DNAL1: variants seen among roughly 807,000 people sequenced by gnomAD.
DNAL1 encodes the protein dynein axonemal light chain 1.
DNAL1 carries 17 observed loss-of-function variants against 29.4 expected under a neutral mutation model. The ratio of observed to expected loss-of-function variants is 0.58; its 90% CI spans 0.40 to 0.87. The LOEUF is 0.87. DNAL1 is among the 40% of genes least tolerant of loss of function. The pLI is 0.00. For missense variants in DNAL1, 188 were observed against 214.1 expected (o/e 0.88, Z 0.76); for synonymous variants, 78 against 76.3 (o/e 1.02, Z -0.12).
Position 73,701,274 on chromosome 14 carries a change from G to A in DNAL1, c.*5332G>A, listed in dbSNP as rs1342316484. The stretch of plus-strand genomic sequence containing the variant: ...TGCACTTTAAACTTAGGAACTGGAT[G>A]TTGGTGGAAAGGACTTCCATAGGGC... On this transcript the variant is annotated 3_prime_UTR_variant, in exon 8 of 8. Transcript: ENST00000553645. 3.3e-5 allele frequency: 5 copies of A among 152,230 alleles called. No homozygotes were observed. The highest frequency in any genetic ancestry group is 1.2e-4 in the African/African-American group (5 of 41,468). The allele number at this position is 152,230 out of a possible 1,614,324, so 9.4% of individuals were successfully genotyped here. A position where few individuals can be genotyped will look rare whatever the true frequency, so the allele number is the denominator to read the frequency against.
Position 73,687,101 on chromosome 14 carries a change from T to G in DNAL1, c.265-158T>G, listed in dbSNP as rs76826584. Among the ~76,000 whole-genome samples the G allele has an allele frequency of 6.7e-3, 991 of 148,714 alleles. 15 individuals are homozygous for G. The highest frequency in any genetic ancestry group is 0.023 in the African/African-American group (929 of 40,546). ...GGAATGTTCTACTTAGCTCCCTCAA[T>G]GAGAAAAAAAAAACCTCCCACACAA... is the stretch of plus-strand genomic sequence containing the variant. On this transcript the variant is annotated intron_variant, in intron 5 of 7. Coordinates refer to ENST00000553645, the MANE Select transcript of DNAL1 (RefSeq NM_031427.4).
intron 1 of DNAL1, among the ~76,000 whole-genome samples, chr14:73,650,190 A>G (rs1015601000): frequency 6.6e-6 from 1 of 151,992 alleles, no homozygotes; most frequent in African/African-American, 2.4e-5. Flanking sequence ...GGGTGTCACT[A>G]TATTGTCCAG....
At chr14:73,691,092 G>A (rs144511919) in intron 7 of DNAL1, among the ~76,000 whole-genome samples, 1 of 152,126 alleles carries the variant, frequency 6.6e-6, no homozygotes, top group Non-Finnish European at 1.5e-5. Context: ...CTTGTTCATT[G>A]GTAATCTAAA....
rs55813332 is a variant in DNAL1, at chr14:73,676,448, ATGTGTG to A, written c.264+4859_264+4864del. ...TATACAAATAAATAGCTCTGTGTAT[ATGTGTG>A]TGTGTGTCATATTGTTTGTTCTGAT... On this transcript the variant is annotated intron_variant, in intron 5 of 7. Coordinates refer to ENST00000553645, the MANE Select transcript of DNAL1 (RefSeq NM_031427.4). Among the ~76,000 whole-genome samples, 21 of 151,738 alleles carry A rather than the reference ATGTGTG, an allele frequency of 1.4e-4. No individual in the cohort carries two copies. The East Asian group carries it at 3.3e-3, about 24-fold the overall frequency.
chr14:73,687,224 A>C (rs1892040709), intron 5 of DNAL1, 35 bp from the exon 6 acceptor site: 1 of 1,607,436 alleles, frequency 6.2e-7, no homozygotes, highest in Non-Finnish European at 8.5e-7. Flanking sequence ...GAAAAGCTTA[A>C]ACATAAACAT....
chr14:73,646,741 A>G (rs1261359339), intron 1 of DNAL1, among the ~76,000 whole-genome samples: 2 of 151,952 alleles, frequency 1.3e-5, no homozygotes, highest in African/African-American at 4.8e-5. Context: ...CAGCCTGAGC[A>G]ACAGAGCAAG....
rs752349290 is a variant in DNAL1, at chr14:73,654,848, C to G, written c.5C>G (p.Ala2Gly). The G allele has an allele frequency of 6.6e-7, 1 of 1,504,696 alleles. No homozygotes were observed. The highest frequency in any genetic ancestry group is 1.3e-5 in the South Asian group (1 of 75,872). 93.2% of individuals were successfully genotyped at this position (1,504,696 alleles called of 1,614,324 possible). A position where few individuals can be genotyped will look rare whatever the true frequency, so the allele number is the denominator to read the frequency against. ...TCTTTCTTTTTTTTTTTTTTAAAGG[C>G]GAAAGCAACAACAATCAAAGAAGCC... M[A>G]KATTIKEALA... The change falls in exon 2 of 8, where the codon GCG (alanine) becomes GGG (glycine). Residue 2 changes from alanine (A) to glycine (G), a missense_variant and splice_region_variant. Physicochemically the swap from Ala to Gly is moderately conservative, Grantham distance 60 (BLOSUM62 0). Coordinates refer to ENST00000553645, the MANE Select transcript of DNAL1 (RefSeq NM_031427.4).
At chr14:73,668,061 G>A (rs1242566111) in intron 4 of DNAL1, among the ~76,000 whole-genome samples, 1 of 152,124 alleles carries the variant, frequency 6.6e-6, no homozygotes, top group Admixed American at 6.6e-5. Flanking sequence ...GCGTGTAAAT[G>A]TTCTTCCTCC....
At chr14:73,664,044 T>G (rs1891418254) in intron 4 of DNAL1, among the ~76,000 whole-genome samples, 1 of 152,174 alleles carries the variant, frequency 6.6e-6, no homozygotes, top group South Asian at 2.1e-4. Context: ...GGGAGACTAC[T>G]GTGTACATAA....
chr14:73,675,007 G>A (rs1004704753), intron 5 of DNAL1, among the ~76,000 whole-genome samples: 7 of 151,186 alleles, frequency 4.6e-5, no homozygotes, highest in African/African-American at 1.5e-4. Context: ...TTTTAGTAGG[G>A]GTCTCGCCAT....
intron 3 of DNAL1, among the ~76,000 whole-genome samples, 151 bp downstream of exon 3, chr14:73,659,107 A>G (rs1891280448): frequency 6.6e-6 from 1 of 152,150 alleles, no homozygotes; most frequent in Non-Finnish European, 1.5e-5. Flanking sequence ...GTCAAACATG[A>G]AAAATGACTG....
chr14:73,667,755 G>T (rs1287570946), intron 4 of DNAL1, among the ~76,000 whole-genome samples: 1 of 152,042 alleles, frequency 6.6e-6, no homozygotes, highest in Non-Finnish European at 1.5e-5. Context: ...GCCTGCCTTG[G>T]CCTCCCAAAG....
intron 2 of DNAL1, among the ~76,000 whole-genome samples, chr14:73,658,550 ATTTG>A (rs1307447216): frequency 5.9e-5 from 9 of 152,226 alleles, no homozygotes; most frequent in African/African-American, 2.2e-4. Context: ...ATATCTTTGC[ATTTG>A]TTTGTGTCAT....
intron 5 of DNAL1, among the ~76,000 whole-genome samples, chr14:73,681,605 CAAAAAAAAAAAAAA>C (rs71112792): frequency 2.3e-4 from 12 of 52,868 alleles, no homozygotes; most frequent in South Asian, 9.3e-4. Flanking sequence ...CCATCTCTAC[CAAAAAAAAAAAAAA>C]AAAAAAAAAA....
intron 7 of DNAL1, among the ~76,000 whole-genome samples, chr14:73,694,087 A>G (rs1183525497): frequency 6.6e-6 from 1 of 151,610 alleles, no homozygotes; most frequent in Non-Finnish European, 1.5e-5. Flanking sequence ...TTTAGATGGG[A>G]GGAGAGTTGA....
chr14:73,689,026 G>GTTTTTTTTTTTTTTTTTTTTTTT (rs71112794), intron 6 of DNAL1, among the ~76,000 whole-genome samples: 1 of 92,248 alleles, frequency 1.1e-5, no homozygotes, highest in African/African-American at 4.9e-5. Context: ...AAAACTTGCT[G>GTTTTTTTTTTTTTTTTTTTTTTT]TTTTTTTTTT....
At chr14:73,649,504 G>T (rs1027168484) in intron 1 of DNAL1, among the ~76,000 whole-genome samples, 3 of 150,528 alleles carry the variant, frequency 2.0e-5, no homozygotes, top group Non-Finnish European at 4.5e-5. Context: ...GGATGGTCTC[G>T]ATCTCCTGAC....
intron 5 of DNAL1, among the ~76,000 whole-genome samples, chr14:73,686,473 G>C (rs1213519976): frequency 6.6e-6 from 1 of 152,142 alleles, no homozygotes; most frequent in Non-Finnish European, 1.5e-5. Context: ...GGAGGCCGAG[G>C]CGGGCAGATC....
At chr14:73,652,255 A>T (rs556623131) in intron 1 of DNAL1, among the ~76,000 whole-genome samples, 1 of 151,662 alleles carries the variant, frequency 6.6e-6, no homozygotes, top group Non-Finnish European at 1.5e-5. Flanking sequence ...GGGTCTTGCT[A>T]TGTTGTTCAG....
Sources: gnomAD v4.1 joint callset for allele counts (sites outside exome capture counted in the v4.1 genomes callset) on GRCh38, gnomAD v4.1.1 for gene constraint, MANE v1.5 for transcripts, NCBI Gene and HGNC (gene_info 2026-07-23, HGNC 2026-07-21) for gene names.